ATRX: variants seen among roughly 807,000 people sequenced by gnomAD.
The protein encoded by ATRX is chromatin remodeler ATRX.
In ATRX, 12 loss-of-function variants were observed where a neutral mutation model predicts 172.6. The observed-to-expected ratio is 0.07, with a 90% CI of 0.04 to 0.11. The LOEUF is 0.11. Among genes scored for constraint, ATRX ranks in the 10% least tolerant of loss-of-function variants. The pLI is 1.00. For missense variants in ATRX, 1,368 were observed against 1,767.4 expected, an observed-to-expected ratio of 0.77 and a Z score of 4.05; for synonymous variants, 674 against 594.7, an observed-to-expected ratio of 1.13 and a Z score of -1.94.
rs782138890 is a variant in ATRX, at chrX:77,688,708, C to A, written c.594+110G>T. 44 of 627,263 alleles carry A rather than the reference C, an allele frequency of 7.0e-5. No homozygotes were observed. In the African/African-American group the frequency reaches 9.1e-4, roughly 13 times the overall value. 51.7% of individuals were successfully genotyped at this position (627,263 alleles called of 1,213,427 possible). ...TTTCCCCACTATAGTAGAAGTCTTC[C>A]AAGGGCAGATACCATTTTCATCTTT... On this transcript the variant is annotated intron_variant, in intron 7 of 34. Transcript: ENST00000373344.
intron 1 of ATRX, among the ~76,000 whole-genome samples, chrX:77,747,830 T>A (rs2075142036): frequency 8.9e-6 from 1 of 111,881 alleles, no homozygotes; most frequent in Non-Finnish European, 1.9e-5. Flanking sequence ...GTTAAAACTC[T>A]CACCTTATTT....
At chrX:77,746,052 T>G (rs1029623495) in intron 1 of ATRX, among the ~76,000 whole-genome samples, 19 of 111,471 alleles carry the variant, frequency 1.7e-4, no homozygotes, top group African/African-American at 5.9e-4. Flanking sequence ...ACACTGTTGG[T>G]GGGAATAACA....
intron 30 of ATRX, 60 bp downstream of exon 30, chrX:77,557,391 A>G: frequency 9.5e-7 from 1 of 1,057,900 alleles, no homozygotes; most frequent in Non-Finnish European, 1.3e-6. Flanking sequence ...ATTTGATATC[A>G]GTAGTAAAAT....
At chrX:77,542,600 G>A (rs377563622) in intron 30 of ATRX, among the ~76,000 whole-genome samples, 1 of 111,617 alleles carries the variant, frequency 9.0e-6, no homozygotes, top group African/African-American at 3.3e-5. Flanking sequence ...AAACAGCATG[G>A]TACTGGTACC....
intron 25 of ATRX, among the ~76,000 whole-genome samples, chrX:77,598,202 C>T (rs782063982): frequency 2.7e-5 from 3 of 110,969 alleles, no homozygotes; most frequent in East Asian, 2.8e-4. Flanking sequence ...CCAAATACGG[C>T]GTGTTCTTAC....
intron 22 of ATRX, among the ~76,000 whole-genome samples, chrX:77,606,858 G>A (rs935767258): frequency 4.5e-5 from 5 of 110,056 alleles, no homozygotes; most frequent in African/African-American, 1.7e-4. Context: ...GTGATACATC[G>A]TTATGAACAA....
At chrX:77,636,373 C>A (rs1473467561) in intron 15 of ATRX, among the ~76,000 whole-genome samples, 1 of 110,966 alleles carries the variant, frequency 9.0e-6, no homozygotes, top group Non-Finnish European at 1.9e-5. Context: ...CTGTGCAGCA[C>A]CTCTCCCTCA....
chrX:77,616,260 C>A (rs2067354476), intron 22 of ATRX: 1 of 865,247 alleles, frequency 1.2e-6, no homozygotes, highest in Non-Finnish European at 1.4e-6. Context: ...TTAACTTATA[C>A]ACCTTTTATT....
chrX:77,682,523 C>T lies in ATRX; in HGVS notation c.2733G>A (p.Lys911=). ...CATCAGTGGAAGCACTTGCTTGCTG[C>T]TTCTTAGGAAGTCGATCTCTTAATT... ...IMELRDRLPK[K]QQASASTDGV... The change falls in exon 9 of 35, where the codon AAG becomes AAA. Residue 911 remains lysine (K), a synonymous_variant. Transcript: ENST00000373344. The T allele has an allele frequency of 8.3e-7, 1 of 1,211,645 alleles. No homozygotes were observed. The highest frequency in any genetic ancestry group is 1.7e-5 in the African/African-American group (1 of 57,831).
At chrX:77,533,955 T>A (rs782394235) in intron 30 of ATRX, among the ~76,000 whole-genome samples, 61 of 111,852 alleles carry the variant, frequency 5.5e-4, no homozygotes, top group African/African-American at 2.0e-3. Context: ...TACTTAAGAG[T>A]TTATTAAAAC....
intron 27 of ATRX, among the ~76,000 whole-genome samples, chrX:77,588,342 G>A (rs1181362564): frequency 8.9e-6 from 1 of 112,117 alleles, no homozygotes; most frequent in African/African-American, 3.2e-5. Context: ...AAACACAGGG[G>A]TTAAAGCTTC....
In ATRX at chrX:77,766,600, C is replaced by A. The variant is rs1251084578; in HGVS notation, c.20+19382G>T. ...CCCAGACGGGGCGGCGGGGCAGAGG[C>A]GCTCCCCACATCTCAGACGATGAGC... On this transcript the variant is annotated intron_variant, in intron 1 of 34. Coordinates refer to ENST00000373344, the MANE Select transcript of ATRX (RefSeq NM_000489.6). 2.9e-5 allele frequency among the ~76,000 whole-genome samples: 3 copies of A among 104,344 alleles called. No individual in the cohort carries two copies. The South Asian group carries it at 1.3e-3, about 46-fold the overall frequency. The allele number at this position is 104,344 out of a possible 115,157, so 90.6% of individuals were successfully genotyped here.
At position 77,654,085 on chromosome X, in the gene ATRX, A is replaced by G. The variant is rs201710363; in HGVS notation, c.4317+13T>C. The G allele has an allele frequency of 3.7e-5, 44 of 1,179,603 alleles. No individual in the cohort carries two copies. The East Asian group carries it at 8.0e-4, about 22-fold the overall frequency. On this transcript the variant is annotated intron_variant, in intron 14 of 34. Transcript: ENST00000373344. ...TGGTTATAATTCAAGCATGTGGTAAATGTCATTATTACCTTGTTTTCACTG... is the reference window on the plus strand; with the variant it reads ...TGGTTATAATTCAAGCATGTGGTAAGTGTCATTATTACCTTGTTTTCACTG...
At chrX:77,548,012 CA>C (rs1364428014) in intron 30 of ATRX, among the ~76,000 whole-genome samples, 2 of 111,895 alleles carry the variant, frequency 1.8e-5, no homozygotes, top group African/African-American at 6.5e-5. Context: ...AACATTTGAA[CA>C]CTTACTATGT....
At chrX:77,674,377 T>G (rs1434898747) in intron 10 of ATRX, 1 of 111,079 alleles carries the variant, frequency 9.0e-6, no homozygotes, top group Non-Finnish European at 1.9e-5. Context: ...GTATATTTTA[T>G]AAAAACAAAT....
intron 28 of ATRX, among the ~76,000 whole-genome samples, chrX:77,563,672 CA>C (rs782348024): frequency 6.5e-4 from 68 of 105,225 alleles, no homozygotes; most frequent in Non-Finnish European, 1.3e-3. Flanking sequence ...GAAACAGAAC[CA>C]AAAGGAGTTA....
intron 30 of ATRX, among the ~76,000 whole-genome samples, chrX:77,552,923 G>C (rs1288378722): frequency 9.0e-6 from 1 of 111,190 alleles, no homozygotes; most frequent in Admixed American, 9.6e-5. Flanking sequence ...CCTCATAAAA[G>C]CATGGAATTT....
intron 1 of ATRX, among the ~76,000 whole-genome samples, chrX:77,759,406 A>G (rs2075634971): frequency 9.0e-6 from 1 of 111,393 alleles, no homozygotes; most frequent in African/African-American, 3.3e-5. Flanking sequence ...TATTATCTAT[A>G]TAACTTAATA....
At chrX:77,611,777 C>T (rs1367111903) in intron 22 of ATRX, among the ~76,000 whole-genome samples, 1 of 111,059 alleles carries the variant, frequency 9.0e-6, no homozygotes, top group Non-Finnish European at 1.9e-5. Flanking sequence ...TGAATGTTCT[C>T]ACCACAAAGA....
Sources: gnomAD v4.1 joint callset for allele counts (sites outside exome capture counted in the v4.1 genomes callset) on GRCh38, gnomAD v4.1.1 for gene constraint, MANE v1.5 for transcripts, NCBI Gene and HGNC (gene_info 2026-07-23, HGNC 2026-07-21) for gene names.